The following MPRIP variants were observed in gnomAD, a reference collection of about 807,000 sequenced individuals.
MPRIP encodes the protein myosin phosphatase Rho interacting protein.
In MPRIP, 59 loss-of-function variants were observed where a neutral mutation model predicts 234.9. The ratio of observed to expected loss-of-function variants is 0.25; its 90% CI spans 0.20 to 0.31. The LOEUF is 0.31. Among genes scored for constraint, MPRIP ranks in the 10% least tolerant of loss-of-function variants. The probability of loss-of-function intolerance (pLI) is 1.00; values close to 1 mark genes in which losing one functional copy is unlikely to be tolerated. For missense variants in MPRIP, 2,436 were observed against 3,071.0 expected, an observed-to-expected ratio of 0.79 and a Z score of 4.89; for synonymous variants, 1,144 against 1,263.9, an observed-to-expected ratio of 0.91 and a Z score of 2.01.
At chr17:17,142,887 C>G (rs1425425693) in intron 8 of MPRIP, 122 bp downstream of exon 8, 1 of 1,117,474 alleles carries the variant, frequency 8.9e-7, no homozygotes, top group South Asian at 1.6e-5. Context: ...TCTCTCCAAC[C>G]ACCTCCTCTG....
chr17:17,084,752 A>G (rs1238513860), intron 3 of MPRIP, among the ~76,000 whole-genome samples: 1 of 152,238 alleles, frequency 6.6e-6, no homozygotes, highest in African/African-American at 2.4e-5. Flanking sequence ...GACTGACCCA[A>G]CTATAGTAGC....
At chr17:17,059,441 T>A (rs1005115760) in intron 1 of MPRIP, among the ~76,000 whole-genome samples, 4 of 152,258 alleles carry the variant, frequency 2.6e-5, no homozygotes, top group African/African-American at 4.8e-5. Context: ...GGCCATGGGC[T>A]TGAGGAGCAT....
chr17:17,051,083 C>T (rs1406043187), intron 1 of MPRIP, among the ~76,000 whole-genome samples: 1 of 152,226 alleles, frequency 6.6e-6, no homozygotes, highest in African/African-American at 2.4e-5. Context: ...TGCCTGCCTT[C>T]TCTTTGCAGA....
intron 3 of MPRIP, among the ~76,000 whole-genome samples, chr17:17,091,836 G>A (rs1167138721): frequency 2.0e-5 from 3 of 152,296 alleles, no homozygotes; most frequent in South Asian, 2.1e-4. Context: ...CCTCCATTCC[G>A]AGATGGAGAA....
intron 1 of MPRIP, among the ~76,000 whole-genome samples, chr17:17,055,699 G>A (rs748396285): frequency 1.3e-5 from 2 of 152,136 alleles, no homozygotes; most frequent in South Asian, 2.1e-4. Flanking sequence ...CTCCCTTCCC[G>A]CCTGGAAACC....
rs1364746220 is a variant in MPRIP at position 17,167,315 on chromosome 17, T to C, written c.5724T>C (p.Ile1908=). Residue 1908 remains isoleucine, a synonymous_variant, in exon 16 of 24, where the codon ATT becomes ATC. Transcript: ENST00000651222. This position sits in a 1 kb window ranked among gnomAD's most constrained non-coding sequence, Gnocchi z 5.9. ...GCGAGTACCTGGATGTGATCGCCAT[T>C]GTTGAAAGGGAGAATGCAGAGCTCA... ...QKSEYLDVIA[I]VERENAELKA... is the part of the protein sequence containing the mutation. 1 of 1,303,748 alleles carries C rather than the reference T, an allele frequency of 7.7e-7. No homozygotes were observed. Among genetic ancestry groups the C allele is most frequent in the Non-Finnish European group, 1.0e-6 (1 of 988,896 alleles). 80.8% of individuals were successfully genotyped at this position (1,303,748 alleles called of 1,614,324 possible).
intron 7 of MPRIP, among the ~76,000 whole-genome samples, chr17:17,139,735 G>C (rs906537974): frequency 6.6e-6 from 1 of 152,228 alleles, no homozygotes; most frequent in Admixed American, 6.5e-5. Context: ...TGAGCCTGCA[G>C]GTTAGTCTCC....
At chr17:17,094,265 A>G (rs980774506) in intron 3 of MPRIP, among the ~76,000 whole-genome samples, 1 of 152,152 alleles carries the variant, frequency 6.6e-6, no homozygotes, top group East Asian at 1.9e-4. Flanking sequence ...CAGGAGCTGG[A>G]CTGGCTGTAG....
At chr17:17,162,570 AGGGCCTCCCTGT>A (rs1302206479) in intron 15 of MPRIP, among the ~76,000 whole-genome samples, 6 of 152,208 alleles carry the variant, frequency 3.9e-5, no homozygotes, top group South Asian at 2.1e-4. Context: ...CCTGGTGAAC[AGGGCCTCCCTGT>A]GGGCCTCCCT....
In MPRIP at chr17:17,187,047, G is replaced by C. The variant is rs2046489665; in HGVS notation, c.*2153G>C. The C allele has an allele frequency of 6.6e-6, 1 of 152,282 alleles. No homozygotes were observed. Among genetic ancestry groups the C allele is most frequent in the African/African-American group, 2.4e-5 (1 of 41,456 alleles). The allele number at this position is 152,282 out of a possible 1,614,324, so 9.4% of individuals were successfully genotyped here. On this transcript the variant is annotated 3_prime_UTR_variant, in exon 24 of 24. Coordinates refer to ENST00000651222, the MANE Select transcript of MPRIP (RefSeq NM_001364716.4). ...GTGACCATCCCTGCTGCCCCTGGGGGTGGACCCCACTGGCCCTTCTGCAGA... is the reference window on the plus strand; with the variant it reads ...GTGACCATCCCTGCTGCCCCTGGGGCTGGACCCCACTGGCCCTTCTGCAGA...
chr17:17,114,753 G>A (rs1344310979), intron 3 of MPRIP, among the ~76,000 whole-genome samples: 1 of 152,202 alleles, frequency 6.6e-6, no homozygotes, highest in African/African-American at 2.4e-5. Flanking sequence ...GCCTTAACTG[G>A]GTGAGGGCTC....
chr17:17,083,460 C>T (rs1378986384), intron 3 of MPRIP, among the ~76,000 whole-genome samples: 2 of 152,166 alleles, frequency 1.3e-5, no homozygotes, highest in Non-Finnish European at 2.9e-5. Flanking sequence ...TCACCTCACT[C>T]TTGACAAATT....
chr17:17,104,548 G>T (rs1484742083), intron 3 of MPRIP, among the ~76,000 whole-genome samples: 1 of 152,130 alleles, frequency 6.6e-6, no homozygotes, highest in African/African-American at 2.4e-5. Context: ...GCCTGGTGGG[G>T]AGCCGTGAAG....
At chr17:17,170,768 A>G (rs1460065627) in intron 16 of MPRIP, 1 of 152,208 alleles carries the variant, frequency 6.6e-6, no homozygotes, top group Non-Finnish European at 1.5e-5. Context: ...TTAGACAGAA[A>G]GTGTGTGCCT....
intron 3 of MPRIP, among the ~76,000 whole-genome samples, chr17:17,103,273 T>A (rs2089999272): frequency 1.3e-5 from 2 of 152,176 alleles, no homozygotes; most frequent in Admixed American, 1.3e-4. Context: ...CGTGTGGAGC[T>A]AAGGAGGTCA....
At chr17:17,097,446 T>C (rs1166474668) in intron 3 of MPRIP, 1 of 152,264 alleles carries the variant, frequency 6.6e-6, no homozygotes, top group Non-Finnish European at 1.5e-5. Context: ...TGAGCTAGGA[T>C]TGCACTACTG....
chr17:17,064,556 C>T (rs932227261), intron 1 of MPRIP, among the ~76,000 whole-genome samples: 1 of 152,168 alleles, frequency 6.6e-6, no homozygotes, highest in Non-Finnish European at 1.5e-5. Flanking sequence ...TTCTCCCTCC[C>T]ACATCAACCC....
intron 1 of MPRIP, among the ~76,000 whole-genome samples, chr17:17,061,721 G>A (rs1003224807): frequency 6.6e-5 from 10 of 152,148 alleles, no homozygotes; most frequent in African/African-American, 2.4e-4. Flanking sequence ...CTTGGAGTCT[G>A]GGGTGGAGCC....
rs1445563157 is a variant in MPRIP, at chr17:17,042,719, G to C, written c.-130G>C. On this transcript the variant is annotated 5_prime_UTR_variant, in exon 1 of 24. Transcript: ENST00000651222. ...GCAGCGAACCGCCCGCCGGGAAGGAGGCCGGGCCGGGCCTGCGGCGGGGCC... is the reference window on the plus strand; with the variant it reads ...GCAGCGAACCGCCCGCCGGGAAGGACGCCGGGCCGGGCCTGCGGCGGGGCC... 2.1e-6 allele frequency: 2 copies of C among 935,194 alleles called. No individual in the cohort carries two copies. Among genetic ancestry groups the C allele is most frequent in the Non-Finnish European group, 2.5e-6 (2 of 792,620 alleles). The allele number at this position is 935,194 out of a possible 1,614,324, so 57.9% of individuals were successfully genotyped here.
Sources: allele counts gnomAD v4.1 joint callset (sites outside exome capture counted in the v4.1 genomes callset), GRCh38; gene constraint gnomAD v4.1.1; non-coding constraint Gnocchi (gnomAD v3.1); transcripts MANE v1.5; gene names NCBI Gene and HGNC (gene_info 2026-07-23, HGNC 2026-07-21).